The following MICU1 variants were observed in gnomAD, a reference collection of about 807,000 sequenced individuals.
The protein encoded by MICU1 is calcium uptake protein 1, mitochondrial.
MICU1 carries 45 observed loss-of-function variants against 56.8 expected under a neutral mutation model. The ratio of observed to expected loss-of-function variants is 0.79; its 90% confidence interval spans 0.62 to 1.02. The LOEUF is 1.02. Ranked by LOEUF, MICU1 falls within the 50% of genes least tolerant of loss-of-function variation. The pLI is 0.00. For missense variants in MICU1, 504 were observed against 587.1 expected, an observed-to-expected ratio of 0.86 and a Z score of 1.46; for synonymous variants, 186 against 195.1, an observed-to-expected ratio of 0.95 and a Z score of 0.39.
At chr10:72,521,316 G>A (rs747459521) in intron 5 of MICU1, among the ~76,000 whole-genome samples, 3 of 151,994 alleles carry the variant, frequency 2.0e-5, no homozygotes, top group Non-Finnish European at 2.9e-5. Flanking sequence ...GACTTTAAAA[G>A]CAATTTTGAA....
At chr10:72,471,918 A>T (rs1047064371) in intron 8 of MICU1, among the ~76,000 whole-genome samples, 4 of 121,266 alleles carry the variant, frequency 3.3e-5, no homozygotes, top group Admixed American at 3.2e-4. Flanking sequence ...CACAAAGGTA[A>T]GCACTATGCC....
At chr10:72,561,371 T>C (rs2132464391) in intron 3 of MICU1, among the ~76,000 whole-genome samples, 1 of 152,368 alleles carries the variant, frequency 6.6e-6, no homozygotes, top group Non-Finnish European at 1.5e-5. Context: ...AAAGTTGTGC[T>C]TTCTTTGAAT....
chr10:72,490,890 C>G (rs114928916), intron 6 of MICU1, among the ~76,000 whole-genome samples: 1 of 152,152 alleles, frequency 6.6e-6, no homozygotes, highest in African/African-American at 2.4e-5. Context: ...ACCAAGGACC[C>G]GTTTTTTCCC....
chr10:72,401,508 G>T (rs1863454190), intron 10 of MICU1, among the ~76,000 whole-genome samples: 1 of 152,116 alleles, frequency 6.6e-6, no homozygotes, highest in African/African-American at 2.4e-5. Context: ...ACAAAAATTA[G>T]CCAGGTGTGG....
intron 10 of MICU1, among the ~76,000 whole-genome samples, chr10:72,403,336 C>T (rs983140658): frequency 8.6e-5 from 13 of 151,546 alleles, no homozygotes; most frequent in Non-Finnish European, 1.5e-4. Context: ...CCAGCCTTGG[C>T]GAGAGAGAAA....
At chr10:72,579,014 G>A (rs116563531) in intron 1 of MICU1, among the ~76,000 whole-genome samples, 3,096 of 152,126 alleles carry the variant, frequency 0.02, 107 homozygotes, top group African/African-American at 0.071. Flanking sequence ...GCTATTTTGC[G>A]ACATTAGCTT....
chr10:72,449,418 G>T (rs1865226250), intron 8 of MICU1, among the ~76,000 whole-genome samples: 1 of 151,514 alleles, frequency 6.6e-6, no homozygotes, highest in African/African-American at 2.4e-5. Context: ...ATTTTTTTTT[G>T]GTAAAGACAG....
chr10:72,527,692 T>G (rs1868004447), intron 5 of MICU1, among the ~76,000 whole-genome samples: 1 of 152,130 alleles, frequency 6.6e-6, no homozygotes, highest in South Asian at 2.1e-4. Context: ...ATAGACAGCT[T>G]AAGATAGTGG....
At chr10:72,486,298 A>T (rs1866472635) in intron 6 of MICU1, among the ~76,000 whole-genome samples, 1 of 152,208 alleles carries the variant, frequency 6.6e-6, no homozygotes, top group Non-Finnish European at 1.5e-5. Context: ...ATGGCAATAG[A>T]ACAAATATGT....
At chr10:72,532,978 C>G (rs745663157) in intron 5 of MICU1, 3 of 1,281,402 alleles carry the variant, frequency 2.3e-6, no homozygotes, top group Non-Finnish European at 3.0e-6. Flanking sequence ...CATCTAGACC[C>G]TCTTTTGTGA....
At chr10:72,446,367 G>A (rs929511824) in intron 8 of MICU1, among the ~76,000 whole-genome samples, 1 of 152,002 alleles carries the variant, frequency 6.6e-6, no homozygotes, top group Admixed American at 6.6e-5. Flanking sequence ...TCACTCTGTC[G>A]CCCAGCAGGC....
At position 72,532,259 on chromosome 10, in the gene MICU1, A is replaced by C. The variant is rs1227140047; in HGVS notation, c.537+1487T>G. Among the ~76,000 whole-genome samples, 4 of 151,714 alleles carry C rather than the reference A, an allele frequency of 2.6e-5. 1 individual carries two copies. In the Middle Eastern group the frequency reaches 0.01, roughly 387 times the overall value. On this transcript the variant is annotated intron_variant, in intron 5 of 11. Transcript: ENST00000361114. ...TGCAAACCCGGGAGGTGGAGCTTGC[A>C]GTGAGCCGAGATTGCTCCACTGCAC... is the stretch of plus-strand genomic sequence containing the variant.
At chr10:72,594,016 T>C (rs1841300396) in intron 1 of MICU1, among the ~76,000 whole-genome samples, 1 of 152,166 alleles carries the variant, frequency 6.6e-6, no homozygotes, top group South Asian at 2.1e-4. Context: ...GAAAAACCCA[T>C]GTTAAAATTC....
Position 72,477,265 on chromosome 10 carries a change from G to GA in MICU1, c.653-10dup. ...AAAATTTCTCTGAGGAGCTGCAGAG[G>GA]AGAGAAAAAAAATATTTAGAAGGCA... On this transcript the variant is annotated splice_polypyrimidine_tract_variant and intron_variant, in intron 6 of 11. Transcript: ENST00000361114. 1 of 1,527,888 alleles carries GA rather than the reference G, an allele frequency of 6.5e-7. No individual in the cohort carries two copies. The highest frequency in any genetic ancestry group is 8.8e-7 in the Non-Finnish European group (1 of 1,139,484). 94.6% of individuals were successfully genotyped at this position (1,527,888 alleles called of 1,614,324 possible). A position where few individuals can be genotyped will look rare whatever the true frequency, so the allele number is the denominator to read the frequency against.
chr10:72,477,437 C>T (rs1866158599), intron 6 of MICU1, 181 bp from the exon 7 acceptor site: 2 of 1,397,012 alleles, frequency 1.4e-6, no homozygotes, highest in Non-Finnish European at 2.0e-6. Context: ...TTTAGGAATA[C>T]TCCTTGAAAC....
chr10:72,468,578 G>GT (rs199561842), intron 8 of MICU1, among the ~76,000 whole-genome samples: 1,980 of 149,418 alleles, frequency 0.013, 31 homozygotes, highest in African/African-American at 0.044. Context: ...TTTTAGACCT[G>GT]TTTTTTTTGT....
chr10:72,588,322 T>A (rs1841123094), intron 1 of MICU1, among the ~76,000 whole-genome samples: 1 of 112,064 alleles, frequency 8.9e-6, no homozygotes, highest in African/African-American at 2.5e-5. Context: ...TTACCCAGTC[T>A]GAGGTTTTTT....
chr10:72,484,077 G>C (rs1340826020), intron 6 of MICU1, among the ~76,000 whole-genome samples: 1 of 152,122 alleles, frequency 6.6e-6, no homozygotes, highest in Admixed American at 6.5e-5. Flanking sequence ...CTTCCTAAAT[G>C]TGTTTTCTGT....
At chr10:72,493,874 C>A (rs770297285) in intron 6 of MICU1, among the ~76,000 whole-genome samples, 2 of 152,116 alleles carry the variant, frequency 1.3e-5, no homozygotes, top group Non-Finnish European at 2.9e-5. Context: ...CTGGTAAACA[C>A]CATCAAGACG....
Sources: allele counts gnomAD v4.1 joint callset (sites outside exome capture counted in the v4.1 genomes callset), GRCh38; gene constraint gnomAD v4.1.1; transcripts MANE v1.5; gene names NCBI Gene and HGNC (gene_info 2026-07-23, HGNC 2026-07-21).